ZNF704: variants seen among roughly 807,000 people sequenced by gnomAD.
ZNF704 encodes the protein glucocorticoid induced gene 1.
Under a neutral mutation model 44.7 loss-of-function variants are expected in ZNF704, and 10 were observed. That is an observed-to-expected ratio of 0.22 (90% CI 0.14 to 0.38). The LOEUF (loss-of-function observed/expected upper bound fraction) is 0.38. Ranked by LOEUF, ZNF704 falls within the 10% of genes least tolerant of loss-of-function variation. The probability of loss-of-function intolerance (pLI) is 1.00; values close to 1 mark genes in which losing one functional copy is unlikely to be tolerated. For missense variants in ZNF704, 390 were observed against 545.5 expected, an observed-to-expected ratio of 0.71 and a Z score of 2.84; for synonymous variants, 211 against 207.6, an observed-to-expected ratio of 1.02 and a Z score of -0.14.
chr8:80,753,371 T>G (rs1260963363), intron 2 of ZNF704, among the ~76,000 whole-genome samples: 1 of 151,954 alleles, frequency 6.6e-6, no homozygotes, highest in Non-Finnish European at 1.5e-5. Context: ...GAAACAATCT[T>G]CCTGCCCACC....
chr8:80,672,920 G>A (rs569961840), intron 4 of ZNF704, among the ~76,000 whole-genome samples: 4 of 150,158 alleles, frequency 2.7e-5, no homozygotes, highest in African/African-American at 9.8e-5. Context: ...AATAAAAGTT[G>A]AACTTAAAAA....
In ZNF704 at chr8:80,637,956, A is replaced by C. The variant is rs1340761842; in HGVS notation, c.*3410T>G. 6.6e-6 allele frequency: 1 copy of C among 152,296 alleles called. No individual in the cohort carries two copies. The highest frequency in any genetic ancestry group is 1.5e-5 in the Non-Finnish European group (1 of 68,104). 9.4% of individuals were successfully genotyped at this position (152,296 alleles called of 1,614,324 possible). A position where few individuals can be genotyped will look rare whatever the true frequency, so the allele number is the denominator to read the frequency against. On this transcript the variant is annotated 3_prime_UTR_variant, in exon 9 of 9. Coordinates refer to ENST00000327835, the MANE Select transcript of ZNF704 (RefSeq NM_001033723.3). Reference sequence around the variant, plus strand: ...CTTCAGGTCATTCTCTCCTTGCTTCAGGCAGCTGCTCCCAGAGGAGAAAAT... The same window carrying C: ...CTTCAGGTCATTCTCTCCTTGCTTCCGGCAGCTGCTCCCAGAGGAGAAAAT...
the ZNF704 span, among the ~76,000 whole-genome samples, chr8:80,884,147 C>T: frequency 6.6e-6 from 1 of 152,136 alleles, no homozygotes; most frequent in African/African-American, 2.4e-5. Context: ...GTAAAAATTC[C>T]TCGGTACTTA....
At chr8:80,884,150 G>A in the ZNF704 span, among the ~76,000 whole-genome samples, 6 of 152,214 alleles carry the variant, frequency 3.9e-5, no homozygotes, top group East Asian at 1.9e-4. Flanking sequence ...AAAATTCCTC[G>A]GTACTTACCA....
chr8:80,716,318 C>T (rs1437227620), intron 2 of ZNF704, among the ~76,000 whole-genome samples: 1 of 152,172 alleles, frequency 6.6e-6, no homozygotes, highest in Non-Finnish European at 1.5e-5. Flanking sequence ...GAATTTTCTC[C>T]AACACTTAGC....
chr8:80,820,789 C>T (rs1417484390), intron 2 of ZNF704, among the ~76,000 whole-genome samples: 1 of 152,108 alleles, frequency 6.6e-6, no homozygotes, highest in Non-Finnish European at 1.5e-5. Flanking sequence ...GTAGTCCCAG[C>T]CAGCTACTCT....
intron 4 of ZNF704, among the ~76,000 whole-genome samples, chr8:80,671,186 G>C (rs561024995): frequency 6.6e-6 from 1 of 152,046 alleles, no homozygotes; most frequent in Non-Finnish European, 1.5e-5. Context: ...GGAGTGCAGC[G>C]GCACAATCTT....
intron 4 of ZNF704, among the ~76,000 whole-genome samples, chr8:80,678,542 A>G (rs1046335858): frequency 1.3e-5 from 2 of 152,202 alleles, no homozygotes; most frequent in Non-Finnish European, 1.5e-5. Context: ...AATTTGTAGG[A>G]ATCTTTCCAA....
Position 80,739,123 on chromosome 8 carries a change from G to A in ZNF704, c.222-46016C>T, listed in dbSNP as rs549422643. Among the ~76,000 whole-genome samples the A allele has an allele frequency of 3.3e-4, 50 of 152,314 alleles. No individual in the cohort carries two copies. In the South Asian group the frequency reaches 7.0e-3, roughly 21 times the overall value. ...TGAGTATAATTTTTGGATTGCTAAA[G>A]TAATGGGTTGTTTTCATCATATCAA... On this transcript the variant is annotated intron_variant, in intron 2 of 8. Transcript: ENST00000327835.
intron 4 of ZNF704, among the ~76,000 whole-genome samples, chr8:80,674,492 A>T (rs753235353): frequency 3.3e-5 from 5 of 152,130 alleles, no homozygotes; most frequent in Non-Finnish European, 7.4e-5. Flanking sequence ...TGGAGGTCAA[A>T]GGTGATGCAG....
chr8:80,717,947 A>G lies in ZNF704; in HGVS notation c.222-24840T>C, dbSNP rs1249996973. Among the ~76,000 whole-genome samples the G allele has an allele frequency of 8.5e-5, 13 of 152,168 alleles. 1 individual carries two copies. Among genetic ancestry groups the G allele is most frequent in the Admixed American group, 7.9e-4 (12 of 15,278 alleles). On this transcript the variant is annotated intron_variant, in intron 2 of 8. Coordinates refer to ENST00000327835, the MANE Select transcript of ZNF704 (RefSeq NM_001033723.3). ...ATTTACAGAGCTGAACTTGCATACAAATGTGTTAGTGTGCAAAGGTGCATT... is the reference window on the plus strand; with the variant it reads ...ATTTACAGAGCTGAACTTGCATACAGATGTGTTAGTGTGCAAAGGTGCATT...
chr8:80,822,230 C>T (rs1808285336), intron 1 of ZNF704, among the ~76,000 whole-genome samples: 1 of 152,028 alleles, frequency 6.6e-6, no homozygotes, highest in Non-Finnish European at 1.5e-5. Flanking sequence ...GTTAACTCAT[C>T]ATTTACATTA....
intron 2 of ZNF704, among the ~76,000 whole-genome samples, chr8:80,815,261 A>G (rs2129856346): frequency 6.6e-6 from 1 of 152,338 alleles, no homozygotes; most frequent in Middle Eastern, 3.4e-3. Flanking sequence ...CTATTCTAAT[A>G]AACTGCTGTT....
In ZNF704 at chr8:80,632,567, A is replaced by C. The variant is rs116353951; in HGVS notation, c.*8799T>G. On this transcript the variant is annotated 3_prime_UTR_variant, in exon 9 of 9. Coordinates refer to ENST00000327835, the MANE Select transcript of ZNF704 (RefSeq NM_001033723.3). ...ATAATGTAATAGTTAATTAGACTTGAGAATTGATTTTTAGTATTTTCATGA... is the reference window on the plus strand; with the variant it reads ...ATAATGTAATAGTTAATTAGACTTGCGAATTGATTTTTAGTATTTTCATGA... 4.8e-4 allele frequency: 73 copies of C among 152,372 alleles called. No homozygotes were observed. The highest frequency in any genetic ancestry group is 1.6e-3 in the African/African-American group (65 of 41,594). 9.4% of individuals were successfully genotyped at this position (152,372 alleles called of 1,614,324 possible).
intron 7 of ZNF704, among the ~76,000 whole-genome samples, chr8:80,657,538 C>G (rs1818034841): frequency 6.6e-6 from 1 of 152,036 alleles, no homozygotes; most frequent in Admixed American, 6.6e-5. Context: ...ACTAAAAATA[C>G]AAAAATTAGC....
upstream of ZNF704, among the ~76,000 whole-genome samples, chr8:80,878,301 GAAGGAAGGAAGA>G (rs1172802405): frequency 4.5e-5 from 6 of 133,294 alleles, no homozygotes; most frequent in East Asian, 1.3e-3. Flanking sequence ...AGGAAGGAAG[GAAGGAAGGAAGA>G]AAATCAGGCT....
intron 2 of ZNF704, among the ~76,000 whole-genome samples, chr8:80,767,376 T>C (rs945282804): frequency 1.3e-5 from 2 of 151,588 alleles, no homozygotes; most frequent in Admixed American, 6.6e-5. Context: ...ATGTAAAATA[T>C]AAGGAACTCC....
chr8:80,803,560 C>T (rs1213268668), intron 2 of ZNF704, among the ~76,000 whole-genome samples: 1 of 152,126 alleles, frequency 6.6e-6, no homozygotes, highest in Non-Finnish European at 1.5e-5. Context: ...CTTTGACATA[C>T]TTGACAAAAA....
At chr8:80,699,907 A>T (rs1263254134) in intron 2 of ZNF704, among the ~76,000 whole-genome samples, 1 of 151,710 alleles carries the variant, frequency 6.6e-6, no homozygotes, top group Non-Finnish European at 1.5e-5. Flanking sequence ...CTCCCCTTTT[A>T]CCATACCCAG....
Sources: gnomAD v4.1 joint callset for allele counts (sites outside exome capture counted in the v4.1 genomes callset) on GRCh38, gnomAD v4.1.1 for gene constraint, MANE v1.5 for transcripts, NCBI Gene and HGNC (gene_info 2026-07-23, HGNC 2026-07-21) for gene names.